COL19A1: variants seen among roughly 807,000 people sequenced by gnomAD.
The protein encoded by COL19A1 is collagen type XIX alpha 1 chain.
COL19A1 carries 159 observed loss-of-function variants against 190.2 expected under a neutral mutation model. That is an observed-to-expected ratio of 0.84 (90% CI 0.73 to 0.95). COL19A1 has a LOEUF of 0.95. Ranked by LOEUF, COL19A1 falls within the 40% of genes least tolerant of loss-of-function variation. The probability of loss-of-function intolerance (pLI) is 0.00; values close to 1 mark genes in which losing one functional copy is unlikely to be tolerated. For missense variants in COL19A1, 1,418 were observed against 1,431.9 expected (o/e 0.99, Z 0.16); for synonymous variants, 509 against 458.9 (o/e 1.11, Z -1.39).
intron 15 of COL19A1, among the ~76,000 whole-genome samples, chr6:70,090,447 T>C (rs1207822279): frequency 6.6e-6 from 1 of 152,146 alleles, no homozygotes; most frequent in Non-Finnish European, 1.5e-5. Flanking sequence ...AGAGGGTGTG[T>C]GTAGCTTATA....
intron 12 of COL19A1, among the ~76,000 whole-genome samples, chr6:70,024,773 C>A (rs1778639271): frequency 6.6e-6 from 1 of 152,192 alleles, no homozygotes; most frequent in South Asian, 2.1e-4. Context: ...AGAGAATAGG[C>A]ACTAGCCCCA....
At chr6:69,915,934 CTTT>C (rs10707834) in intron 4 of COL19A1, among the ~76,000 whole-genome samples, 6 of 110,932 alleles carry the variant, frequency 5.4e-5, no homozygotes, top group East Asian at 2.5e-4. Flanking sequence ...CTCATCTCAT[CTTT>C]TTTTTTTTTT....
At chr6:69,879,966 T>G (rs1768411757) in intron 2 of COL19A1, 1 of 377,110 alleles carries the variant, frequency 2.7e-6, no homozygotes, top group Non-Finnish European at 4.7e-6. Context: ...CCTTTCCTCT[T>G]CAATAATTAT....
At chr6:69,933,162 A>G (rs1772890756) in intron 7 of COL19A1, among the ~76,000 whole-genome samples, 2 of 152,216 alleles carry the variant, frequency 1.3e-5, no homozygotes, top group Non-Finnish European at 1.5e-5. Flanking sequence ...TTCCAGTTAC[A>G]GAAGTTTTAA....
intron 2 of COL19A1, among the ~76,000 whole-genome samples, chr6:69,881,007 A>G (rs1768512644): frequency 6.6e-6 from 1 of 152,230 alleles, no homozygotes. Context: ...GCTAGTGGGT[A>G]GTAAATGTTC....
intron 9 of COL19A1, among the ~76,000 whole-genome samples, chr6:69,955,590 A>C (rs1051356712): frequency 1.3e-5 from 2 of 151,060 alleles, no homozygotes; most frequent in African/African-American, 2.4e-5. Flanking sequence ...AGAGAGAGAG[A>C]GATGGTCCTG....
intron 11 of COL19A1, among the ~76,000 whole-genome samples, chr6:70,021,544 T>C (rs981124564): frequency 2.0e-5 from 3 of 152,216 alleles, no homozygotes; most frequent in African/African-American, 4.8e-5. Context: ...ATATTTTGTA[T>C]TGGTATTAAC....
At chr6:70,044,495 T>C (rs781426702) in intron 14 of COL19A1, among the ~76,000 whole-genome samples, 14 of 152,170 alleles carry the variant, frequency 9.2e-5, no homozygotes, top group Non-Finnish European at 2.1e-4. Flanking sequence ...AGTTTAATCA[T>C]TTTTAGCTTT....
At chr6:70,005,062 A>G (rs1452160503) in intron 11 of COL19A1, among the ~76,000 whole-genome samples, 4 of 151,958 alleles carry the variant, frequency 2.6e-5, no homozygotes, top group East Asian at 1.9e-4. Context: ...TCGATCTCCT[A>G]ACTTCATGAT....
chr6:70,016,790 A>C (rs1582688104), intron 11 of COL19A1, among the ~76,000 whole-genome samples: 1 of 152,066 alleles, frequency 6.6e-6, no homozygotes, highest in Non-Finnish European at 1.5e-5. Context: ...TTAATCATTA[A>C]GAAAATGCAA....
At chr6:69,969,177 A>G (rs1450928081) in intron 11 of COL19A1, among the ~76,000 whole-genome samples, 1 of 152,244 alleles carries the variant, frequency 6.6e-6, no homozygotes, top group African/African-American at 2.4e-5. Context: ...CAAAAGTAAT[A>G]TAAAATCTTA....
intron 4 of COL19A1, among the ~76,000 whole-genome samples, chr6:69,921,211 A>G (rs1229821324): frequency 7.6e-6 from 1 of 131,900 alleles, no homozygotes; most frequent in Non-Finnish European, 1.5e-5. Context: ...ATATATTCAT[A>G]TATAATATAT....
At chr6:70,039,922 C>G (rs1779552637) in intron 14 of COL19A1, among the ~76,000 whole-genome samples, 1 of 107,386 alleles carries the variant, frequency 9.3e-6, no homozygotes, top group Non-Finnish European at 1.8e-5. Flanking sequence ...GGCACTATGC[C>G]CAGCTAATTT....
chr6:69,999,865 A>AT (rs1175593355), intron 11 of COL19A1, among the ~76,000 whole-genome samples: 3 of 152,054 alleles, frequency 2.0e-5, no homozygotes, highest in South Asian at 2.1e-4. Flanking sequence ...CTATATATGT[A>AT]TTTTTTTAAT....
chr6:69,922,566 C>A (rs558728104), intron 4 of COL19A1, among the ~76,000 whole-genome samples: 1 of 146,500 alleles, frequency 6.8e-6, no homozygotes, highest in Non-Finnish European at 1.5e-5. Context: ...CTGCAACCTT[C>A]ACCTCCTGGG....
At position 69,980,373 on chromosome 6, in the gene COL19A1, G is replaced by A. The variant is rs187700571; in HGVS notation, c.1026+17503G>A. Among the ~76,000 whole-genome samples, 233 of 152,100 alleles carry A rather than the reference G, an allele frequency of 1.5e-3. 1 individual carries two copies. The highest frequency in any genetic ancestry group is 5.2e-3 in the South Asian group (25 of 4,816). On this transcript the variant is annotated intron_variant, in intron 11 of 50. Coordinates refer to ENST00000620364, the MANE Select transcript of COL19A1 (RefSeq NM_001858.6). ...CATTGGCACTACCGAGTCTATCCACGAAAAACTATTTTATACCCTATATAA... is the reference window on the plus strand; with the variant it reads ...CATTGGCACTACCGAGTCTATCCACAAAAAACTATTTTATACCCTATATAA...
intron 41 of COL19A1, 133 bp from the exon 42 acceptor site, chr6:70,176,387 C>T (rs527981095): frequency 5.4e-6 from 4 of 742,390 alleles, no homozygotes; most frequent in East Asian, 3.0e-5. Context: ...AGCTTCACCC[C>T]ATCTAATATC....
At chr6:70,062,894 A>G (rs1163544077) in intron 14 of COL19A1, among the ~76,000 whole-genome samples, 1 of 152,092 alleles carries the variant, frequency 6.6e-6, no homozygotes, top group Non-Finnish European at 1.5e-5. Context: ...AGGCCATTAC[A>G]TAATGGTAAA....
chr6:70,063,948 A>C (rs916925333), intron 14 of COL19A1, among the ~76,000 whole-genome samples: 1 of 152,218 alleles, frequency 6.6e-6, no homozygotes, highest in Non-Finnish European at 1.5e-5. Context: ...ATCTCTTAAT[A>C]GACCAATAAT....
Sources: allele counts gnomAD v4.1 joint callset (sites outside exome capture counted in the v4.1 genomes callset), GRCh38; gene constraint gnomAD v4.1.1; transcripts MANE v1.5; gene names NCBI Gene and HGNC (gene_info 2026-07-23, HGNC 2026-07-21).